The following CCDC171 variants were observed in gnomAD, a reference collection of about 807,000 sequenced individuals.
CCDC171 encodes the protein coiled-coil domain containing 171, also known as coiled-coil domain-containing protein 171.
Under a neutral mutation model 168.2 loss-of-function variants are expected in CCDC171, and 177 were observed. That is an observed-to-expected ratio of 1.05 (90% CI 0.93 to 1.19). CCDC171 has a LOEUF of 1.19. Among genes scored for constraint, CCDC171 ranks in the 50% most tolerant of loss-of-function variants. CCDC171 has a pLI of 0.00. For synonymous variants in CCDC171, 687 were observed against 540.8 expected (o/e 1.27, Z -3.75); for missense variants, 1,991 against 1,539.0 (o/e 1.29, Z -4.91).
intron 21 of CCDC171, among the ~76,000 whole-genome samples, chr9:15,807,648 A>G (rs1229400205): frequency 6.6e-6 from 1 of 151,944 alleles, no homozygotes; most frequent in Non-Finnish European, 1.5e-5. Context: ...CAATTGCCTT[A>G]CCTTATGGAT....
chr9:15,719,082 A>C (rs569525441), intron 11 of CCDC171, among the ~76,000 whole-genome samples: 18 of 152,260 alleles, frequency 1.2e-4, no homozygotes, highest in African/African-American at 4.3e-4. Flanking sequence ...AAAGAAATTT[A>C]ATATAACACA....
At chr9:15,778,917 G>C in intron 19 of CCDC171, 51 bp from the exon 20 acceptor site, 3 of 1,249,804 alleles carry the variant, frequency 2.4e-6, no homozygotes, top group Non-Finnish European at 3.2e-6. Flanking sequence ...TATTGCTATT[G>C]TTAGTAAATC....
chr9:15,694,878 G>T (rs1246555852), intron 10 of CCDC171, among the ~76,000 whole-genome samples: 1 of 152,200 alleles, frequency 6.6e-6, no homozygotes, highest in African/African-American at 2.4e-5. Flanking sequence ...CCATATGACT[G>T]TAGTCATGAT....
intron 9 of CCDC171, among the ~76,000 whole-genome samples, chr9:15,677,877 G>GTCAT (rs2049715268): frequency 2.0e-5 from 1 of 50,774 alleles, no homozygotes; most frequent in Non-Finnish European, 3.7e-5. Context: ...GTGTGTGTGT[G>GTCAT]TCATATATAT....
At chr9:16,101,802 C>T in the CCDC171 span, among the ~76,000 whole-genome samples, 1 of 152,162 alleles carries the variant, frequency 6.6e-6, no homozygotes, top group Admixed American at 6.5e-5. Context: ...AGCAGGGAAC[C>T]TCAGCTCCAT....
At chr9:16,001,541 A>G (rs570623642) in intron 3 of CCDC171, among the ~76,000 whole-genome samples, 109 of 152,178 alleles carry the variant, frequency 7.2e-4, no homozygotes, top group African/African-American at 2.5e-3. Flanking sequence ...ATGACTTTGT[A>G]TTTTGCTATT....
At chr9:15,679,267 C>G (rs1466580492) in intron 10 of CCDC171, among the ~76,000 whole-genome samples, 1 of 151,824 alleles carries the variant, frequency 6.6e-6, no homozygotes, top group Non-Finnish European at 1.5e-5. Flanking sequence ...TGTTTTGTAC[C>G]TGATCACTCT....
intron 25 of CCDC171, among the ~76,000 whole-genome samples, chr9:15,956,006 C>G (rs1040571419): frequency 1.3e-5 from 2 of 152,266 alleles, no homozygotes; most frequent in South Asian, 2.1e-4. Context: ...TGTGGCTGGA[C>G]TTAATGAATA....
chr9:15,569,329 T>A (rs1284101711), intron 2 of CCDC171, among the ~76,000 whole-genome samples: 2 of 152,186 alleles, frequency 1.3e-5, no homozygotes, highest in Non-Finnish European at 2.9e-5. Context: ...CCTGTGAACT[T>A]GGGTAATAGG....
intron 21 of CCDC171, among the ~76,000 whole-genome samples, chr9:15,845,398 G>A (rs977130884): frequency 3.3e-5 from 5 of 151,940 alleles, no homozygotes; most frequent in Non-Finnish European, 4.4e-5. Context: ...ACGGTAACTC[G>A]ACTATTTGAA....
chr9:16,087,012 T>G, the CCDC171 span, among the ~76,000 whole-genome samples: 1 of 152,238 alleles, frequency 6.6e-6, no homozygotes, highest in Non-Finnish European at 1.5e-5. Flanking sequence ...AGGAGCAGGT[T>G]GTTCAGTTTC....
intron 21 of CCDC171, among the ~76,000 whole-genome samples, chr9:15,822,171 C>T (rs2059803654): frequency 6.6e-6 from 1 of 152,118 alleles, no homozygotes; most frequent in Non-Finnish European, 1.5e-5. Context: ...ACACCTTATA[C>T]AAAAATTAAT....
At chr9:15,937,287 T>C (rs1827220731) in intron 25 of CCDC171, among the ~76,000 whole-genome samples, 1 of 152,072 alleles carries the variant, frequency 6.6e-6, no homozygotes, top group African/African-American at 2.4e-5. Flanking sequence ...TCAAGCTGGT[T>C]CAGAGACAAC....
At chr9:15,706,285 C>G (rs1423881719) in intron 11 of CCDC171, among the ~76,000 whole-genome samples, 1 of 150,954 alleles carries the variant, frequency 6.6e-6, no homozygotes, top group Non-Finnish European at 1.5e-5. Context: ...TCCTTCCTTT[C>G]TTTTTCTGCA....
intron 7 of CCDC171, 51 bp downstream of exon 7, chr9:15,623,464 T>TGCGCGCGCGCGCGCGCGCGCGCGC: frequency 1.3e-6 from 1 of 765,034 alleles, no homozygotes; most frequent in South Asian, 1.8e-5. Context: ...CTTTCACATA[T>TGCGCGCGCGCGCGCGCGCGCGCGC]GCGCGCGCGC....
At chr9:15,874,343 A>G (rs1817561369) in intron 23 of CCDC171, among the ~76,000 whole-genome samples, 189 bp from the exon 24 acceptor site, 1 of 152,018 alleles carries the variant, frequency 6.6e-6, no homozygotes, top group South Asian at 2.1e-4. Context: ...TTTTCTTCTT[A>G]ACATTCTCCC....
chr9:15,727,270 C>A (rs2053866085), intron 14 of CCDC171, among the ~76,000 whole-genome samples: 1 of 152,114 alleles, frequency 6.6e-6, no homozygotes, highest in South Asian at 2.1e-4. Flanking sequence ...TCTTTCATAT[C>A]ACTATCTGCT....
At position 15,973,114 on chromosome 9, in the gene CCDC171, G is replaced by A. The variant is rs1163131762; in HGVS notation, c.*1278G>A. 6.6e-6 allele frequency: 1 copy of A among 152,152 alleles called. No homozygotes were observed. Among genetic ancestry groups the A allele is most frequent in the Non-Finnish European group, 1.5e-5 (1 of 68,022 alleles). The allele number at this position is 152,152 out of a possible 1,614,324, so 9.4% of individuals were successfully genotyped here. ...TTAAATCCTTGCAGTTTGCATCATG[G>A]TAAGTGAAGAACAAAAGAATATTTG... On this transcript the variant is annotated 3_prime_UTR_variant, in exon 26 of 26. Transcript: ENST00000380701.
At chr9:16,063,076 T>C (rs1173811861), downstream of CCDC171, among the ~76,000 whole-genome samples, 1 of 152,176 alleles carries the variant, frequency 6.6e-6, no homozygotes, top group Non-Finnish European at 1.5e-5. Context: ...GCTCGGTGAC[T>C]ATTTGTTGAC....
Sources: allele counts gnomAD v4.1 joint callset (sites outside exome capture counted in the v4.1 genomes callset), GRCh38; gene constraint gnomAD v4.1.1; transcripts MANE v1.5; gene names NCBI Gene and HGNC (gene_info 2026-07-23, HGNC 2026-07-21).